The following ACTR3C variants were observed in gnomAD, a reference collection of about 807,000 sequenced individuals.
The protein encoded by ACTR3C is actin-related protein 3C.
ACTR3C carries 18 observed loss-of-function variants against 26.3 expected under a neutral mutation model. That is an observed-to-expected ratio of 0.68 (90% CI 0.47 to 1.01). The LOEUF (loss-of-function observed/expected upper bound fraction) is 1.01. Among genes scored for constraint, ACTR3C ranks in the 50% least tolerant of loss-of-function variants. ACTR3C has a pLI of 0.00. For missense variants in ACTR3C, 184 were observed against 250.7 expected (o/e 0.73, Z 1.80); for synonymous variants, 55 against 94.5 (o/e 0.58, Z 2.42).
chr7:150,121,761 A>G, the ACTR3C span, among the ~76,000 whole-genome samples: 1 of 151,956 alleles, frequency 6.6e-6, no homozygotes, highest in Non-Finnish European at 1.5e-5. Flanking sequence ...CCGAAAAAAG[A>G]GCCCATATAG....
chr7:149,946,534 C>T, the ACTR3C span, among the ~76,000 whole-genome samples: 4 of 152,206 alleles, frequency 2.6e-5, no homozygotes, highest in African/African-American at 9.6e-5. Context: ...CCCTGTTCTC[C>T]CAGGATTGGT....
At chr7:150,103,048 T>G in the ACTR3C span, among the ~76,000 whole-genome samples, 8 of 151,034 alleles carry the variant, frequency 5.3e-5, no homozygotes, top group African/African-American at 2.0e-4. Context: ...CATTCTCAGT[T>G]TGAATACAAA....
chr7:150,030,836 C>A, the ACTR3C span, among the ~76,000 whole-genome samples: 4 of 152,102 alleles, frequency 2.6e-5, no homozygotes, highest in African/African-American at 9.7e-5. Context: ...CCGCTGCATG[C>A]CCCTCAGCTT....
chr7:150,087,605 G>T, the ACTR3C span, among the ~76,000 whole-genome samples: 1 of 152,126 alleles, frequency 6.6e-6, no homozygotes, highest in Non-Finnish European at 1.5e-5. Context: ...GCCTTAATGT[G>T]GGAGAAACAG....
the ACTR3C span, among the ~76,000 whole-genome samples, chr7:150,043,586 T>C: frequency 2.4e-3 from 360 of 152,338 alleles, 2 homozygotes; most frequent in African/African-American, 8.2e-3. Flanking sequence ...TCCCACTTTG[T>C]AGGCGCCAGT....
At chr7:150,115,364 G>C in the ACTR3C span, among the ~76,000 whole-genome samples, 1 of 152,292 alleles carries the variant, frequency 6.6e-6, no homozygotes, top group African/African-American at 2.4e-5. Flanking sequence ...GCCACCCGGG[G>C]AGCAATGACA....
chr7:149,937,850 C>T, the ACTR3C span, among the ~76,000 whole-genome samples: 1 of 151,172 alleles, frequency 6.6e-6, no homozygotes, highest in African/African-American at 2.5e-5. Context: ...GGCACCTGGG[C>T]AAAAACCCTC....
At chr7:150,171,087 A>G in the ACTR3C span, among the ~76,000 whole-genome samples, 13,276 of 131,784 alleles carry the variant, frequency 0.1, 913 homozygotes, top group African/African-American at 0.24. Flanking sequence ...ACAGGGATGT[A>G]GAACACTAGA....
chr7:150,064,879 TA>T, the ACTR3C span, among the ~76,000 whole-genome samples: 38 of 152,320 alleles, frequency 2.5e-4, no homozygotes, highest in African/African-American at 8.7e-4. Flanking sequence ...TACTACTATG[TA>T]AAAAGGGCAA....
chr7:150,140,826 G>A, the ACTR3C span, among the ~76,000 whole-genome samples: 2 of 152,242 alleles, frequency 1.3e-5, no homozygotes, highest in Non-Finnish European at 2.9e-5. Context: ...AGCTGAGATA[G>A]GCTGAAAGCT....
chr7:150,106,876 T>C, the ACTR3C span, among the ~76,000 whole-genome samples: 1 of 146,696 alleles, frequency 6.8e-6, no homozygotes, highest in Non-Finnish European at 1.5e-5. Flanking sequence ...GAGTATTAAC[T>C]GTGGTCTACT....
At chr7:149,996,582 A>AAAAATAAATAAAT in the ACTR3C span, among the ~76,000 whole-genome samples, 19 of 148,896 alleles carry the variant, frequency 1.3e-4, no homozygotes, top group African/African-American at 3.0e-4. Flanking sequence ...TTCTGGTAAA[A>AAAAATAAATAAAT]AAATAAATAA....
rs1265537980 is a variant in ACTR3C at position 150,251,335 on chromosome 7, A to G, written c.565-2281T>C. Among the ~76,000 whole-genome samples the G allele has an allele frequency of 2.0e-5, 3 of 152,346 alleles. No homozygotes were observed. In the East Asian group the frequency reaches 5.8e-4, roughly 29 times the overall value. On this transcript the variant is annotated intron_variant, in intron 6 of 7. Transcript: ENST00000683684. ...TTATTCTTAAACTTATGATGTCTTT[A>G]AAACTAAAATTAACTGCGTTTTTTT...
chr7:150,189,698 T>A, the ACTR3C span, among the ~76,000 whole-genome samples: 1 of 113,878 alleles, frequency 8.8e-6, no homozygotes, highest in African/African-American at 3.4e-5. Flanking sequence ...CAAAATGCAT[T>A]TAAGATTTAT....
the ACTR3C span, among the ~76,000 whole-genome samples, chr7:150,195,130 T>G: frequency 6.7e-6 from 1 of 148,400 alleles, no homozygotes; most frequent in South Asian, 2.1e-4. Flanking sequence ...TATGTATATA[T>G]ATATATATAC....
At chr7:149,939,861 C>A in the ACTR3C span, among the ~76,000 whole-genome samples, 1 of 147,104 alleles carries the variant, frequency 6.8e-6, no homozygotes, top group East Asian at 1.9e-4. Flanking sequence ...TTTGAAAGAA[C>A]CTCACACATC....
At chr7:150,252,163 TG>T (rs1387742477) in intron 6 of ACTR3C, among the ~76,000 whole-genome samples, 9 of 152,192 alleles carry the variant, frequency 5.9e-5, no homozygotes, top group African/African-American at 2.2e-4. Flanking sequence ...TGTGTGTGTG[TG>T]TGTGCAATGA....
At chr7:149,962,775 G>A in the ACTR3C span, among the ~76,000 whole-genome samples, 1 of 152,144 alleles carries the variant, frequency 6.6e-6, no homozygotes, top group South Asian at 2.1e-4. Context: ...AACAGCAAAG[G>A]AACAGTCAGC....
chr7:150,193,347 T>C, the ACTR3C span, among the ~76,000 whole-genome samples: 1 of 151,940 alleles, frequency 6.6e-6, no homozygotes, highest in Admixed American at 6.5e-5. Context: ...ATCAATTTTA[T>C]TGGTCTTTAA....
Sources: gnomAD v4.1 joint callset for allele counts (sites outside exome capture counted in the v4.1 genomes callset) on GRCh38, gnomAD v4.1.1 for gene constraint, MANE v1.5 for transcripts, NCBI Gene and HGNC (gene_info 2026-07-23, HGNC 2026-07-21) for gene names.